TCEA1: variants seen among roughly 807,000 people sequenced by gnomAD.
The protein encoded by TCEA1 is transcription elongation factor A protein 1.
In TCEA1, 21 loss-of-function variants were observed where a neutral mutation model predicts 43.8. The observed-to-expected ratio is 0.48, with a 90% confidence interval of 0.34 to 0.69. TCEA1 has a LOEUF of 0.69. Ranked by LOEUF, TCEA1 falls within the 30% of genes least tolerant of loss-of-function variation. The probability of loss-of-function intolerance (pLI) is 0.01; values close to 1 mark genes in which losing one functional copy is unlikely to be tolerated. For synonymous variants in TCEA1, 104 were observed against 117.5 expected, an observed-to-expected ratio of 0.88 and a Z score of 0.75; for missense variants, 250 against 365.1, an observed-to-expected ratio of 0.68 and a Z score of 2.57.
chr8:54,014,915 A>C (rs1483902126), intron 1 of TCEA1, among the ~76,000 whole-genome samples: 1 of 152,240 alleles, frequency 6.6e-6, no homozygotes, highest in Non-Finnish European at 1.5e-5. Context: ...TTGAGTAGTT[A>C]AAACAGCCAA....
chr8:53,991,097 A>G (rs1480297137), intron 4 of TCEA1, among the ~76,000 whole-genome samples: 1 of 152,196 alleles, frequency 6.6e-6, no homozygotes, highest in Non-Finnish European at 1.5e-5. Flanking sequence ...TAAAACTGAT[A>G]AAAGACAACG....
chr8:53,983,953 A>G (rs1174838050), intron 7 of TCEA1, among the ~76,000 whole-genome samples: 1 of 152,000 alleles, frequency 6.6e-6, no homozygotes, highest in Non-Finnish European at 1.5e-5. Context: ...TACAAAAATT[A>G]GCTGGGTGTG....
intron 1 of TCEA1, among the ~76,000 whole-genome samples, chr8:54,019,913 T>A (rs781135834): frequency 6.6e-6 from 1 of 152,206 alleles, no homozygotes; most frequent in Non-Finnish European, 1.5e-5. Flanking sequence ...TGGAAAAGTT[T>A]TGAACTACCT....
intron 7 of TCEA1, among the ~76,000 whole-genome samples, chr8:53,982,726 T>C (rs561641285): frequency 1.3e-4 from 20 of 151,514 alleles, no homozygotes; most frequent in African/African-American, 4.1e-4. Flanking sequence ...TTCAATCTCA[T>C]AATAAAAGCT....
chr8:54,021,997 G>A (rs1030469110), intron 1 of TCEA1, 66 bp downstream of exon 1: 4 of 1,403,098 alleles, frequency 2.9e-6, no homozygotes, highest in Non-Finnish European at 3.7e-6. Flanking sequence ...GGAGGGAGGG[G>A]GCGGCCCCCT....
chr8:53,997,968 T>C (rs1049353881), intron 3 of TCEA1, among the ~76,000 whole-genome samples: 2 of 152,192 alleles, frequency 1.3e-5, no homozygotes, highest in African/African-American at 2.4e-5. Flanking sequence ...CTTGAATATA[T>C]TTCCTAGTTT....
chr8:53,968,119 A>C lies in TCEA1; in HGVS notation c.898-7T>G, dbSNP rs1454561824. On this transcript the variant is annotated splice_region_variant and splice_polypyrimidine_tract_variant and intron_variant, in intron 9 of 9. Transcript: ENST00000521604. ...TTCTTCCAACTCAACAGAACTGTCAAAAAAGAAAAAATATTTTGTAAGACC... is the reference window on the plus strand; with the variant it reads ...TTCTTCCAACTCAACAGAACTGTCACAAAAGAAAAAATATTTTGTAAGACC... The C allele has an allele frequency of 6.6e-7, 1 of 1,525,710 alleles. No individual in the cohort carries two copies. The highest frequency in any genetic ancestry group is 8.9e-7 in the Non-Finnish European group (1 of 1,128,610). The allele number at this position is 1,525,710 out of a possible 1,614,324, so 94.5% of individuals were successfully genotyped here.
intron 3 of TCEA1, among the ~76,000 whole-genome samples, chr8:53,997,071 A>C (rs1490787488): frequency 1.3e-5 from 2 of 151,772 alleles, no homozygotes; most frequent in Non-Finnish European, 2.9e-5. Context: ...ACACTCAGCT[A>C]ATTTTTTTGT....
At chr8:53,973,765 T>A (rs1188617475) in intron 8 of TCEA1, 1 of 490,202 alleles carries the variant, frequency 2.0e-6, no homozygotes, top group African/African-American at 2.0e-5. Flanking sequence ...ACTTCCCACT[T>A]GTTCAATGTG....
intron 3 of TCEA1, among the ~76,000 whole-genome samples, chr8:53,999,076 A>C (rs1804162771): frequency 6.6e-6 from 1 of 151,912 alleles, no homozygotes; most frequent in Non-Finnish European, 1.5e-5. Context: ...AAAATACAAA[A>C]AATTAGCTGG....
At chr8:53,970,807 TAAGAA>T (rs1231576270) in intron 8 of TCEA1, among the ~76,000 whole-genome samples, 11 of 152,264 alleles carry the variant, frequency 7.2e-5, no homozygotes, top group African/African-American at 2.6e-4. Flanking sequence ...ATTTCATCAG[TAAGAA>T]GCACAGAAAT....
chr8:53,967,483 T>C lies in TCEA1; in HGVS notation c.*621A>G, dbSNP rs574381126. On this transcript the variant is annotated 3_prime_UTR_variant, in exon 10 of 10. Transcript: ENST00000521604. Reference sequence around the variant, plus strand: ...ATCTATTAAGAACAAGTAATATACATGTACAAGAAATTACAAGAAATGATG... The same window carrying C: ...ATCTATTAAGAACAAGTAATATACACGTACAAGAAATTACAAGAAATGATG... 80 of 199,464 alleles carry C rather than the reference T, an allele frequency of 4.0e-4. No homozygotes were observed. Among genetic ancestry groups the C allele is most frequent in the African/African-American group, 1.8e-3 (78 of 43,692 alleles). The allele number at this position is 199,464 out of a possible 1,614,324, so 12.4% of individuals were successfully genotyped here.
intron 3 of TCEA1, among the ~76,000 whole-genome samples, chr8:53,996,903 C>CTTTTTTTTTTTTTTTTTTTTTTTTT (rs754537318): frequency 1.7e-5 from 2 of 116,624 alleles, no homozygotes; most frequent in Admixed American, 9.0e-5. Flanking sequence ...AGAAGGTTGT[C>CTTTTTTTTTTTTTTTTTTTTTTTTT]TTTTTTTTTT....
At chr8:54,001,047 C>T (rs538247843) in intron 2 of TCEA1, among the ~76,000 whole-genome samples, 12 of 152,188 alleles carry the variant, frequency 7.9e-5, no homozygotes, top group Admixed American at 5.9e-4. Context: ...CATGAGCCAC[C>T]GGCCCAGCCA....
At chr8:54,020,621 A>T (rs1319790396) in intron 1 of TCEA1, among the ~76,000 whole-genome samples, 1 of 152,198 alleles carries the variant, frequency 6.6e-6, no homozygotes, top group Non-Finnish European at 1.5e-5. Context: ...CACAGTACTT[A>T]ATTTAAGTAG....
intron 8 of TCEA1, chr8:53,972,438 T>A: frequency 1.9e-6 from 1 of 531,748 alleles, no homozygotes; most frequent in South Asian, 1.5e-5. Flanking sequence ...TCCAGAAGAA[T>A]CAAGTTTTGG....
chr8:53,976,689 A>ACTTT (rs34737598), intron 8 of TCEA1, among the ~76,000 whole-genome samples: 25,235 of 152,052 alleles, frequency 0.17, 5,911 homozygotes, highest in African/African-American at 0.53. Context: ...CTTTTAAATA[A>ACTTT]CTATTTATAC....
At chr8:53,970,222 T>C in intron 9 of TCEA1, 170 bp downstream of exon 9, 2 of 667,958 alleles carry the variant, frequency 3.0e-6, no homozygotes, top group South Asian at 1.7e-5. Flanking sequence ...TTATTTCTAG[T>C]AGGGTAACAA....
intron 4 of TCEA1, among the ~76,000 whole-genome samples, chr8:53,988,992 C>G (rs139767334): frequency 2.0e-5 from 3 of 151,828 alleles, no homozygotes; most frequent in African/African-American, 7.3e-5. Flanking sequence ...TCGCTTGAAC[C>G]CAGAGGCAGA....
Sources: allele counts gnomAD v4.1 joint callset (sites outside exome capture counted in the v4.1 genomes callset), GRCh38; gene constraint gnomAD v4.1.1; transcripts MANE v1.5; gene names NCBI Gene and HGNC (gene_info 2026-07-23, HGNC 2026-07-21).